Variants in DEF8 observed in about 807,000 individuals in gnomAD.
DEF8 encodes DEF-8.
A neutral mutation model predicts 59.1 loss-of-function variants in DEF8; 38 were observed. That is an observed-to-expected ratio of 0.64 (90% CI 0.50 to 0.84). DEF8 has a LOEUF of 0.84. DEF8 is among the 40% of genes least tolerant of loss of function. The probability of loss-of-function intolerance (pLI) is 0.00; values close to 1 mark genes in which losing one functional copy is unlikely to be tolerated. For synonymous variants in DEF8, 265 were observed against 250.1 expected, an observed-to-expected ratio of 1.06 and a Z score of -0.56; for missense variants, 557 against 615.2, an observed-to-expected ratio of 0.91 and a Z score of 1.00.
At chr16:89,952,010 T>TG (rs1486531068) in intron 2 of DEF8, among the ~76,000 whole-genome samples, 1 of 152,160 alleles carries the variant, frequency 6.6e-6, no homozygotes, top group East Asian at 1.9e-4. Flanking sequence ...CCCGAGTAGC[T>TG]GGGGCTACAG....
In DEF8 at chr16:89,960,952, G is replaced by A. The variant is rs1333181806; in HGVS notation, c.536G>A (p.Ser179Asn). The A allele has an allele frequency of 2.5e-6, 4 of 1,614,052 alleles. No individual in the cohort carries two copies. Among genetic ancestry groups the A allele is most frequent in the East Asian group, 2.2e-5 (1 of 44,876 alleles). ...TCTGCYYRCH[S>N]KCLNLISKPC... ...CTAGGGTGTTATTACCGCTGTCACA[G>A]TAAGTGCTTGAACCTCATCTCCAAG... is the stretch of plus-strand genomic sequence containing the variant. Residue 179 changes from serine to asparagine, a missense_variant, in exon 7 of 13, where the codon AGT becomes AAT. Coordinates refer to ENST00000563594, the MANE Select transcript of DEF8 (RefSeq NM_001242818.2).
At chr16:89,958,587 G>A (rs1222940149) in intron 5 of DEF8, 2 of 190,080 alleles carry the variant, frequency 1.1e-5, no homozygotes, top group Admixed American at 5.3e-5. Context: ...TAGAGAAGAT[G>A]TGTTCGTTTC....
intron 12 of DEF8, 107 bp downstream of exon 12, chr16:89,964,682 TC>T (rs35689120): frequency 1.3e-6 from 1 of 783,474 alleles, no homozygotes. Context: ...CTGGCACTGC[TC>T]CCCCGAGAAA....
At chr16:89,953,205 C>G (rs967383537) in intron 2 of DEF8, among the ~76,000 whole-genome samples, 2 of 152,202 alleles carry the variant, frequency 1.3e-5, no homozygotes, top group Non-Finnish European at 2.9e-5. Context: ...CATCAACAGA[C>G]CTTACAGCGA....
In DEF8 at chr16:89,964,208, G is replaced by A; in HGVS notation, c.1041G>A (p.Met347Ile). The change falls in exon 11 of 13, where the codon ATG becomes ATA. Residue 347 changes from methionine (M) to isoleucine (I), a missense_variant. Transcript: ENST00000563594. ...AGCATTTTGTGGAGAACGACGAGAT[G>A]TACTCTGTCCAGGACCTCCTGGACG... ...DRQHFVENDE[M>I]YSVQDLLDVH... The A allele has an allele frequency of 6.2e-7, 1 of 1,613,842 alleles. No individual in the cohort carries two copies. Among genetic ancestry groups the A allele is most frequent in the Non-Finnish European group, 8.5e-7 (1 of 1,179,910 alleles).
At chr16:89,955,365 T>A in intron 4 of DEF8, 99 bp downstream of exon 4, 1 of 983,886 alleles carries the variant, frequency 1.0e-6, no homozygotes, top group Non-Finnish European at 1.6e-6. Flanking sequence ...GGCAGGGCAG[T>A]GTCCTGTGAG....
intron 5 of DEF8, among the ~76,000 whole-genome samples, 184 bp from the exon 6 acceptor site, chr16:89,958,830 G>T (rs1263985822): frequency 6.6e-6 from 1 of 152,226 alleles, no homozygotes; most frequent in Non-Finnish European, 1.5e-5. Context: ...TGTGACCTTG[G>T]CGGTCCTTGT....
chr16:89,962,819 C>T (rs760843311), intron 9 of DEF8, among the ~76,000 whole-genome samples: 4 of 152,266 alleles, frequency 2.6e-5, no homozygotes, highest in Non-Finnish European at 5.9e-5. Flanking sequence ...CATGTAGCCT[C>T]TGCTAAGTCT....
intron 2 of DEF8, among the ~76,000 whole-genome samples, chr16:89,953,275 T>C (rs117299059): frequency 0.032 from 4,902 of 152,222 alleles, 116 homozygotes; most frequent in Middle Eastern, 0.16. Flanking sequence ...CCATTACGGA[T>C]GGGGAAATGG....
intron 5 of DEF8, among the ~76,000 whole-genome samples, chr16:89,958,775 A>G (rs570178948): frequency 6.6e-6 from 1 of 152,268 alleles, no homozygotes; most frequent in Admixed American, 6.5e-5. Flanking sequence ...CCCTCGCTGC[A>G]AGGGATGCTG....
In DEF8 at chr16:89,961,832, G is replaced by A. The variant is rs770936185; in HGVS notation, c.775G>A (p.Val259Ile). Residue 259 changes from valine to isoleucine, a missense_variant, in exon 8 of 13, where the codon GTT (valine) becomes ATT (isoleucine). By Grantham distance (29) the Val-to-Ile change is conservative. Transcript: ENST00000563594. Reference sequence around the variant, plus strand: ...CGACCTGGCTGTGATCCCTGCACGCGTTGTACACAACTGGGACTTTGAGCC... The same window carrying A: ...CGACCTGGCTGTGATCCCTGCACGCATTGTACACAACTGGGACTTTGAGCC... ...WNDLAVIPAR[V>I]VHNWDFEPRK... 2.3e-5 allele frequency: 37 copies of A among 1,610,246 alleles called. No homozygotes were observed. The East Asian group carries it at 3.8e-4, about 16-fold the overall frequency.
intron 6 of DEF8, among the ~76,000 whole-genome samples, chr16:89,960,505 T>C (rs1412918958): frequency 6.6e-6 from 1 of 151,848 alleles, no homozygotes; most frequent in East Asian, 1.9e-4. Context: ...CAAGACCCTG[T>C]CTCTTAAAAA....
intron 6 of DEF8, among the ~76,000 whole-genome samples, chr16:89,960,057 C>G (rs1238736945): frequency 6.6e-6 from 1 of 151,060 alleles, no homozygotes; most frequent in Non-Finnish European, 1.5e-5. Flanking sequence ...GTGGGGGCAG[C>G]CCTGTGGTTG....
At chr16:89,953,361 C>T (rs995986175) in intron 2 of DEF8, among the ~76,000 whole-genome samples, 2 of 152,094 alleles carry the variant, frequency 1.3e-5, no homozygotes, top group East Asian at 1.9e-4. Flanking sequence ...ACTCCCACCC[C>T]AACCAAAGTC....
rs147127076 is a variant in DEF8 at position 89,954,260 on chromosome 16, A to G, written c.8A>G (p.Tyr3Cys). 1.2e-5 allele frequency: 19 copies of G among 1,612,632 alleles called. No homozygotes were observed. The East Asian group carries it at 2.5e-4, about 21-fold the overall frequency. The change falls in exon 3 of 13, where the codon TAT becomes TGT. Residue 3 changes from tyrosine (Y) to cysteine (C), a missense_variant. By Grantham distance (194) the Tyr-to-Cys change is radical. Coordinates refer to ENST00000563594, the MANE Select transcript of DEF8 (RefSeq NM_001242818.2). The surrounding 1 kb of genome is among the most constrained non-coding windows in gnomAD (Gnocchi z 4.3). ...GCCCTCAGGTGGGATGCTATGGAAT[A>G]TGATGAGAAGCTGGCCCGTTTCCGG... ME[Y>C]DEKLARFRQA... is the part of the protein sequence containing the mutation.
chr16:89,964,897 T>C (rs1438619564), intron 12 of DEF8, among the ~76,000 whole-genome samples: 2 of 152,218 alleles, frequency 1.3e-5, no homozygotes, highest in African/African-American at 4.8e-5. Context: ...GCTCCCTTTC[T>C]CTACTAGGAT....
chr16:89,952,656 A>G (rs1485557122), intron 2 of DEF8: 1 of 152,202 alleles, frequency 6.6e-6, no homozygotes, highest in Admixed American at 6.6e-5. Context: ...GCCGCCTCTG[A>G]CTCTGTGACC....
Position 89,949,411 on chromosome 16 carries a change from C to G in DEF8, c.-107-6C>G. 1 of 1,601,210 alleles carries G rather than the reference C, an allele frequency of 6.2e-7. No homozygotes were observed. Reference sequence around the variant, plus strand: ...GGCACAGTGCTGGGGTGGCTTCTCCCTGCAGCAGGTGCCGAACCCACGGCC... The same window carrying G: ...GGCACAGTGCTGGGGTGGCTTCTCCGTGCAGCAGGTGCCGAACCCACGGCC... On this transcript the variant is annotated splice_region_variant and splice_polypyrimidine_tract_variant and intron_variant, in intron 1 of 12. Transcript: ENST00000563594.
At chr16:89,955,125 G>C (rs1362708881) in intron 3 of DEF8, 44 bp from the exon 4 acceptor site, 1 of 1,484,312 alleles carries the variant, frequency 6.7e-7, no homozygotes, top group Non-Finnish European at 9.4e-7. Flanking sequence ...TGGGAGGCAG[G>C]AGGTAGCAGC....
Sources: allele counts gnomAD v4.1 joint callset (sites outside exome capture counted in the v4.1 genomes callset), GRCh38; gene constraint gnomAD v4.1.1; non-coding constraint Gnocchi (gnomAD v3.1); transcripts MANE v1.5; gene names NCBI Gene and HGNC (gene_info 2026-07-23, HGNC 2026-07-21).